FAHD2A: variants seen among roughly 807,000 people sequenced by gnomAD.
The protein encoded by FAHD2A is fumarylacetoacetate hydrolase domain containing 2A.
In FAHD2A, 27 loss-of-function variants were observed where a neutral mutation model predicts 33.4. The observed-to-expected ratio is 0.81, with a 90% CI of 0.60 to 1.11. The LOEUF is 1.11. FAHD2A is among the 50% of genes most tolerant of loss of function. The pLI is 0.00. For missense variants in FAHD2A, 296 were observed against 395.0 expected, an observed-to-expected ratio of 0.75 and a Z score of 2.12; for synonymous variants, 130 against 153.3, an observed-to-expected ratio of 0.85 and a Z score of 1.12.
At chr2:95,420,885 A>G (rs71427032), downstream of FAHD2A, among the ~76,000 whole-genome samples, 12 of 152,188 alleles carry the variant, frequency 7.9e-5, no homozygotes, top group East Asian at 1.9e-4. Context: ...GAAATTCAGA[A>G]CAGACATTAC....
chr2:95,407,911 A>G (rs1186593375), intron 3 of FAHD2A, among the ~76,000 whole-genome samples: 3 of 152,174 alleles, frequency 2.0e-5, no homozygotes, highest in Non-Finnish European at 2.9e-5. Context: ...AAAATTATAG[A>G]AAAGCTGGGA....
At chr2:95,419,804 G>GGA (rs760904948), downstream of FAHD2A, among the ~76,000 whole-genome samples, 5 of 151,268 alleles carry the variant, frequency 3.3e-5, no homozygotes, top group East Asian at 3.9e-4. Flanking sequence ...ATCTATACAT[G>GGA]GAGAGAGAGA....
chr2:95,420,889 A>G (rs1262634399), downstream of FAHD2A, among the ~76,000 whole-genome samples: 1 of 152,090 alleles, frequency 6.6e-6, no homozygotes, highest in South Asian at 2.1e-4. Context: ...TTCAGAACAG[A>G]CATTACACAA....
intron 2 of FAHD2A, among the ~76,000 whole-genome samples, chr2:95,406,642 C>G (rs1681605511): frequency 6.6e-6 from 1 of 152,070 alleles, no homozygotes; most frequent in African/African-American, 2.4e-5. Context: ...TGCGAAGAGC[C>G]AGGGGAACGG....
In FAHD2A at chr2:95,414,259, T is replaced by C. The variant is rs1038085838; in HGVS notation, c.*1302T>C. On this transcript the variant is annotated 3_prime_UTR_variant, in exon 8 of 8. Coordinates refer to ENST00000233379, the MANE Select transcript of FAHD2A (RefSeq NM_016044.3). ...TGGTTGGGACTCACCAAAGATCCCTTCTTCCTGGGCGGTGGCCTGCAGGAA... is the reference window on the plus strand; with the variant it reads ...TGGTTGGGACTCACCAAAGATCCCTCCTTCCTGGGCGGTGGCCTGCAGGAA... 2.0e-5 allele frequency: 32 copies of C among 1,594,144 alleles called. No homozygotes were observed. The highest frequency in any genetic ancestry group is 6.7e-5 in the Admixed American group (4 of 59,596).
chr2:95,408,403 G>A (rs1263578653), intron 3 of FAHD2A, among the ~76,000 whole-genome samples: 2 of 152,092 alleles, frequency 1.3e-5, no homozygotes, highest in Admixed American at 1.3e-4. Flanking sequence ...TTAAAGGGCT[G>A]TATTAGTCTG....
At chr2:95,405,196 G>A (rs1470901655) in intron 1 of FAHD2A, 3 of 195,698 alleles carry the variant, frequency 1.5e-5, no homozygotes, top group South Asian at 1.4e-4. Context: ...TGAATCTTAC[G>A]TCAGTTGTTA....
chr2:95,409,830 T>C (rs1573567466), intron 3 of FAHD2A, among the ~76,000 whole-genome samples: 1 of 152,330 alleles, frequency 6.6e-6, no homozygotes, highest in African/African-American at 2.4e-5. Flanking sequence ...TAGTATATCC[T>C]AGCTTTCTGG....
rs749447606 is a variant in FAHD2A, at chr2:95,406,985, C to A, written c.290C>A (p.Thr97Asn). The change falls in exon 3 of 8, where the codon ACC becomes AAC. Residue 97 changes from threonine (T) to asparagine (N), a missense_variant. Thr to Asn is a moderately conservative substitution (Grantham distance 65). Coordinates refer to ENST00000233379, the MANE Select transcript of FAHD2A (RefSeq NM_016044.3). ...CCAGTCCTACCACGGTCGGAGGTAA[C>A]CTTCCTGGCTCCAGTCACACGACCA... ...QLPVLPRSEV[T>N]FLAPVTRPDK... The A allele has an allele frequency of 6.2e-7, 1 of 1,613,868 alleles. No individual in the cohort carries two copies. The highest frequency in any genetic ancestry group is 1.3e-5 in the African/African-American group (1 of 74,934).
intron 5 of FAHD2A, among the ~76,000 whole-genome samples, chr2:95,412,079 C>G (rs1254831644): frequency 6.6e-6 from 1 of 152,190 alleles, no homozygotes; most frequent in Non-Finnish European, 1.5e-5. Context: ...ACATGAGCCA[C>G]CACGCTTGGC....
At chr2:95,408,871 T>C (rs1417460208) in intron 3 of FAHD2A, among the ~76,000 whole-genome samples, 4 of 152,242 alleles carry the variant, frequency 2.6e-5, no homozygotes, top group African/African-American at 9.6e-5. Flanking sequence ...AAATGAATGA[T>C]GGGTTTCCAA....
In FAHD2A at chr2:95,415,370, T is replaced by C. The variant is rs1325833968; in HGVS notation, c.*2413T>C. 6.7e-6 allele frequency: 1 copy of C among 148,840 alleles called. No individual in the cohort carries two copies. The highest frequency in any genetic ancestry group is 2.5e-5 in the African/African-American group (1 of 40,064). 9.2% of individuals were successfully genotyped at this position (148,840 alleles called of 1,614,324 possible). ...CAGTGTTTAGCAACAGATTAAACTC[T>C]AAGCCAACAACAACAGAACAGGGTG... On this transcript the variant is annotated 3_prime_UTR_variant, in exon 8 of 8. Coordinates refer to ENST00000233379, the MANE Select transcript of FAHD2A (RefSeq NM_016044.3).
In FAHD2A at chr2:95,414,040, C is replaced by G. The variant is rs751208702; in HGVS notation, c.*1083C>G. 1.4e-6 allele frequency: 2 copies of G among 1,453,694 alleles called. No individual in the cohort carries two copies. The highest frequency in any genetic ancestry group is 2.8e-5 in the African/African-American group (2 of 71,532). The allele number at this position is 1,453,694 out of a possible 1,614,324, so 90.0% of individuals were successfully genotyped here. A position where few individuals can be genotyped will look rare whatever the true frequency, so the allele number is the denominator to read the frequency against. On this transcript the variant is annotated 3_prime_UTR_variant, in exon 8 of 8. Coordinates refer to ENST00000233379, the MANE Select transcript of FAHD2A (RefSeq NM_016044.3). ...TCTGGAAAGAAGAGAGAAGTGAAGG[C>G]TCTAGGTAGGGAGGACAGGGAGACA...
rs1682844691 is a variant in FAHD2A at position 95,413,392 on chromosome 2, C to G, written c.*435C>G. On this transcript the variant is annotated 3_prime_UTR_variant, in exon 8 of 8. Transcript: ENST00000233379. ...GCAGCCTCCTCTCCATCTTCTGGCTCTAGGACACAGCTGTGTTCTGGGGCT... is the reference window on the plus strand; with the variant it reads ...GCAGCCTCCTCTCCATCTTCTGGCTGTAGGACACAGCTGTGTTCTGGGGCT... The G allele has an allele frequency of 1.3e-6, 2 of 1,579,432 alleles. No individual in the cohort carries two copies. Among genetic ancestry groups the G allele is most frequent in the African/African-American group, 1.4e-5 (1 of 72,724 alleles).
In FAHD2A at chr2:95,413,629, G is replaced by C. The variant is rs1172086528; in HGVS notation, c.*672G>C. 1 of 1,459,918 alleles carries C rather than the reference G, an allele frequency of 6.8e-7. No individual in the cohort carries two copies. Among genetic ancestry groups the C allele is most frequent in the Non-Finnish European group, 9.1e-7 (1 of 1,101,702 alleles). 90.4% of individuals were successfully genotyped at this position (1,459,918 alleles called of 1,614,324 possible). ...ACAGGGACTGTGTCCACATGGCCCA[G>C]GGGCCAGGCCTGTCCCCCAGAAACC... On this transcript the variant is annotated 3_prime_UTR_variant, in exon 8 of 8. Transcript: ENST00000233379.
intron 1 of FAHD2A, among the ~76,000 whole-genome samples, chr2:95,404,813 C>T (rs1454353542): frequency 6.6e-6 from 1 of 152,228 alleles, no homozygotes; most frequent in African/African-American, 2.4e-5. Context: ...GGCCCAGACC[C>T]TGTTGTTTGT....
chr2:95,413,693 A>C lies in FAHD2A; in HGVS notation c.*736A>C, dbSNP rs905236195. ...CTGACCCCTTAGGCCTCAGTGTTTG[A>C]GTGCAAATGCTGCCTCAAAGCAGCC... On this transcript the variant is annotated 3_prime_UTR_variant, in exon 8 of 8. Transcript: ENST00000233379. 1.9e-6 allele frequency: 2 copies of C among 1,066,164 alleles called. No individual in the cohort carries two copies. Among genetic ancestry groups the C allele is most frequent in the African/African-American group, 1.6e-5 (1 of 62,074 alleles). The allele number at this position is 1,066,164 out of a possible 1,614,324, so 66.0% of individuals were successfully genotyped here.
At chr2:95,407,247 G>A (rs1048121777) in intron 3 of FAHD2A, 90 bp downstream of exon 3, 86 of 1,538,078 alleles carry the variant, frequency 5.6e-5, no homozygotes, top group African/African-American at 1.4e-4. Flanking sequence ...GCCACCTCTC[G>A]CTCAATAGCG....
In FAHD2A at chr2:95,413,803, C is replaced by T. The variant is rs772412079; in HGVS notation, c.*846C>T. 9.8e-6 allele frequency: 7 copies of T among 715,138 alleles called. No individual in the cohort carries two copies. Among genetic ancestry groups the T allele is most frequent in the South Asian group, 7.1e-5 (4 of 56,594 alleles). The allele number at this position is 715,138 out of a possible 1,614,324, so 44.3% of individuals were successfully genotyped here. ...TCCCACCTTCTCCAACCCATCACCA[C>T]GTCTATTGCTGGAAGACACCAAGTA... On this transcript the variant is annotated 3_prime_UTR_variant, in exon 8 of 8. Transcript: ENST00000233379.
Sources: gnomAD v4.1 joint callset for allele counts (sites outside exome capture counted in the v4.1 genomes callset) on GRCh38, gnomAD v4.1.1 for gene constraint, MANE v1.5 for transcripts, NCBI Gene and HGNC (gene_info 2026-07-23, HGNC 2026-07-21) for gene names.